The following PTPN12 variants were observed in gnomAD, a reference collection of about 807,000 sequenced individuals.
PTPN12 encodes protein tyrosine phosphatase non-receptor type 12, also known as tyrosine-protein phosphatase non-receptor type 12.
A neutral mutation model predicts 97.6 loss-of-function variants in PTPN12; 29 were observed. The observed-to-expected ratio is 0.30, with a 90% CI of 0.22 to 0.41. The LOEUF is 0.41. PTPN12 is among the 10% of genes least tolerant of loss of function. The pLI, the probability that PTPN12 is intolerant of heterozygous loss-of-function variation, is 1.00. For missense variants in PTPN12, 819 were observed against 926.0 expected, an observed-to-expected ratio of 0.88 and a Z score of 1.50; for synonymous variants, 327 against 300.4, an observed-to-expected ratio of 1.09 and a Z score of -0.91.
chr7:77,571,305 A>C, intron 2 of PTPN12, 119 bp downstream of exon 2: 1 of 630,034 alleles, frequency 1.6e-6, no homozygotes, highest in East Asian at 3.3e-5. Context: ...CCTATCTTTC[A>C]AAGTACATGG....
chr7:77,631,148 A>G (rs1789383504), intron 13 of PTPN12, among the ~76,000 whole-genome samples: 1 of 152,076 alleles, frequency 6.6e-6, no homozygotes, highest in African/African-American at 2.4e-5. Context: ...GGGCAAGGAG[A>G]CATATGGTGA....
chr7:77,603,883 CT>C (rs773037726), intron 8 of PTPN12, among the ~76,000 whole-genome samples: 463 of 87,834 alleles, frequency 5.3e-3, no homozygotes, highest in African/African-American at 0.013. Flanking sequence ...TTTTTGTTTG[CT>C]TTTTTTTTTT....
At chr7:77,546,175 C>T (rs1807212818) in intron 1 of PTPN12, among the ~76,000 whole-genome samples, 1 of 152,120 alleles carries the variant, frequency 6.6e-6, no homozygotes, top group African/African-American at 2.4e-5. Context: ...TAAACCAGTA[C>T]TTGGAAGATG....
At chr7:77,588,769 A>G (rs752564643) in intron 5 of PTPN12, among the ~76,000 whole-genome samples, 8 of 152,198 alleles carry the variant, frequency 5.3e-5, no homozygotes, top group Non-Finnish European at 1.0e-4. Flanking sequence ...CTATCTATGG[A>G]CTGAAATAGA....
rs775712037 is a variant in PTPN12 at position 77,625,472 on chromosome 7, G to GCTCTCTCTCT, written c.1026-1191_1026-1182dup. On this transcript the variant is annotated intron_variant, in intron 12 of 17. Transcript: ENST00000248594. ...TTTTGCCATATTGCCCAGGCTGCTC[G>GCTCTCTCTCT]CTCTCTCTCTCTCTCTCTCTCTCTC... Among the ~76,000 whole-genome samples the GCTCTCTCTCT allele has an allele frequency of 4.7e-3, 158 of 33,452 alleles. 9 individuals carry two copies. The highest frequency in any genetic ancestry group is 0.021 in the Middle Eastern group (1 of 48). The allele number at this position is 33,452 out of a possible 152,430, so 21.9% of individuals were successfully genotyped here.
At chr7:77,567,107 A>T (rs1808296764) in intron 1 of PTPN12, among the ~76,000 whole-genome samples, 1 of 151,634 alleles carries the variant, frequency 6.6e-6, no homozygotes, top group Non-Finnish European at 1.5e-5. Flanking sequence ...ATGAAATTAT[A>T]TGTGTAGATA....
At chr7:77,624,367 T>C (rs1009322948) in intron 12 of PTPN12, among the ~76,000 whole-genome samples, 1 of 152,208 alleles carries the variant, frequency 6.6e-6, no homozygotes, top group African/African-American at 2.4e-5. Context: ...TCTGGAGATA[T>C]TCATTTATCT....
At chr7:77,575,008 A>G (rs1215635642) in intron 2 of PTPN12, among the ~76,000 whole-genome samples, 1 of 151,600 alleles carries the variant, frequency 6.6e-6, no homozygotes, top group Non-Finnish European at 1.5e-5. Flanking sequence ...ATTTTTTGGT[A>G]TTTTTAGTAG....
At chr7:77,617,556 A>G (rs1358175470) in intron 11 of PTPN12, among the ~76,000 whole-genome samples, 1 of 152,190 alleles carries the variant, frequency 6.6e-6, no homozygotes, top group Non-Finnish European at 1.5e-5. Flanking sequence ...AAAAACAATG[A>G]TAACAAAACA....
At chr7:77,542,889 T>TA (rs1217156809) in intron 1 of PTPN12, among the ~76,000 whole-genome samples, 2 of 152,192 alleles carry the variant, frequency 1.3e-5, no homozygotes, top group Non-Finnish European at 2.9e-5. Context: ...CATCATAATA[T>TA]AAGCATGTAG....
intron 8 of PTPN12, 22 bp from the exon 9 acceptor site, chr7:77,607,213 T>A: frequency 6.5e-7 from 1 of 1,546,218 alleles, no homozygotes; most frequent in Non-Finnish European, 8.8e-7. Flanking sequence ...AATCAATTGT[T>A]TTTCAAACTT....
intron 1 of PTPN12, among the ~76,000 whole-genome samples, chr7:77,549,718 A>G (rs980417952): frequency 2.6e-5 from 4 of 151,870 alleles, no homozygotes; most frequent in Non-Finnish European, 5.9e-5. Flanking sequence ...AGCTAGGACT[A>G]CAAGCATGTT....
chr7:77,628,910 A>G (rs1789297621), intron 13 of PTPN12, among the ~76,000 whole-genome samples: 3 of 152,104 alleles, frequency 2.0e-5, no homozygotes, highest in East Asian at 1.9e-4. Flanking sequence ...TCTCTCACAC[A>G]TACTGTATTT....
intron 3 of PTPN12, among the ~76,000 whole-genome samples, chr7:77,582,081 GTTCTT>G (rs1787534377): frequency 1.3e-5 from 1 of 74,338 alleles, no homozygotes; most frequent in Admixed American, 1.5e-4. Flanking sequence ...AAGCAGTCAA[GTTCTT>G]TTTTTTTTTT....
intron 13 of PTPN12, among the ~76,000 whole-genome samples, chr7:77,630,636 C>T (rs1789366956): frequency 6.6e-6 from 1 of 152,132 alleles, no homozygotes. Context: ...TTGATGAAAA[C>T]ATCATTATGT....
At chr7:77,599,245 A>C (rs756930033) in intron 7 of PTPN12, among the ~76,000 whole-genome samples, 1 of 151,670 alleles carries the variant, frequency 6.6e-6, no homozygotes, top group Non-Finnish European at 1.5e-5. Flanking sequence ...TGTTAAAGAA[A>C]AGTCACTATC....
At chr7:77,556,814 G>A (rs1807735416) in intron 1 of PTPN12, among the ~76,000 whole-genome samples, 1 of 152,044 alleles carries the variant, frequency 6.6e-6, no homozygotes, top group Non-Finnish European at 1.5e-5. Context: ...TGGTGACAGA[G>A]CAAGACTCCA....
chr7:77,550,579 T>C (rs913582779), intron 1 of PTPN12, among the ~76,000 whole-genome samples: 1 of 152,122 alleles, frequency 6.6e-6, no homozygotes, highest in African/African-American at 2.4e-5. Flanking sequence ...AAAGATTTTT[T>C]TGAGATTAGG....
intron 16 of PTPN12, among the ~76,000 whole-genome samples, chr7:77,637,882 A>G (rs1362772499): frequency 2.1e-5 from 3 of 144,634 alleles, no homozygotes; most frequent in Non-Finnish European, 3.0e-5. Flanking sequence ...AAAAACAAGT[A>G]GAGTTATTAT....
Sources: gnomAD v4.1 joint callset for allele counts (sites outside exome capture counted in the v4.1 genomes callset) on GRCh38, gnomAD v4.1.1 for gene constraint, MANE v1.5 for transcripts, NCBI Gene and HGNC (gene_info 2026-07-23, HGNC 2026-07-21) for gene names.